NDUFAF1: variants seen among roughly 807,000 people sequenced by gnomAD.
NDUFAF1 encodes the protein NADH:ubiquinone oxidoreductase complex assembly factor 1.
NDUFAF1 carries 18 observed loss-of-function variants against 28.7 expected under a neutral mutation model. The ratio of observed to expected loss-of-function variants is 0.63; its 90% CI spans 0.43 to 0.93. NDUFAF1 has a LOEUF of 0.93. NDUFAF1 is among the 40% of genes least tolerant of loss of function. NDUFAF1 has a pLI of 0.00. For missense variants in NDUFAF1, 404 were observed against 398.3 expected (o/e 1.01, Z -0.12); for synonymous variants, 113 against 139.7 (o/e 0.81, Z 1.35).
intron 3 of NDUFAF1, chr15:41,394,254 G>T (rs1438155429): frequency 1.5e-6 from 1 of 678,616 alleles, no homozygotes; most frequent in African/African-American, 1.9e-5. Context: ...GGCTGGTGTC[G>T]AACTCCCAAC....
intron 3 of NDUFAF1, among the ~76,000 whole-genome samples, chr15:41,392,820 C>G (rs1412517099): frequency 6.6e-6 from 1 of 152,120 alleles, no homozygotes; most frequent in Non-Finnish European, 1.5e-5. Context: ...TACATGCTTA[C>G]AAGCATGTAA....
chr15:41,387,735 A>G (rs1285130607), intron 4 of NDUFAF1, 142 bp from the exon 5 acceptor site: 1 of 671,828 alleles, frequency 1.5e-6, no homozygotes, highest in Non-Finnish European at 2.6e-6. Context: ...TAATTCTCCC[A>G]TAGCATACTG....
In NDUFAF1 at chr15:41,402,347, G is replaced by A. The variant is rs565504701; in HGVS notation, c.-285C>T. ...ACGGCCTGGCCTCCGGAGGCTAGAC[G>A]GTTCGCCGCGCTGGGGAGGCCCCCT... On this transcript the variant is annotated 5_prime_UTR_variant, in exon 1 of 5. Transcript: ENST00000260361. The A allele has an allele frequency of 4.0e-5, 18 of 453,788 alleles. No individual in the cohort carries two copies. Among genetic ancestry groups the A allele is most frequent in the Admixed American group, 1.2e-4 (5 of 42,544 alleles). The allele number at this position is 453,788 out of a possible 1,614,324, so 28.1% of individuals were successfully genotyped here.
At position 41,388,497 on chromosome 15, in the gene NDUFAF1, G is replaced by A. The variant is rs201756363; in HGVS notation, c.785C>T (p.Ser262Phe). Residue 262 changes from serine to phenylalanine, a missense_variant, in exon 4 of 5, where the codon TCT (serine) becomes TTT (phenylalanine). Physicochemically the swap from Ser to Phe is radical, Grantham distance 155. Coordinates refer to ENST00000260361, the MANE Select transcript of NDUFAF1 (RefSeq NM_016013.4). ...VKIPFSKFFF[S>F]NRGRIRDVQH... ...AACATCCCGGATTCTTCCTCGATTA[G>A]AGAAGAAAAATTTGGAAAAAGGAAT... 4 of 1,612,782 alleles carry A rather than the reference G, an allele frequency of 2.5e-6. No homozygotes were observed. Among genetic ancestry groups the A allele is most frequent in the Admixed American group, 3.3e-5 (2 of 59,974 alleles).
intron 4 of NDUFAF1, 39 bp downstream of exon 4, chr15:41,388,409 A>G: frequency 1.4e-6 from 2 of 1,468,896 alleles, no homozygotes; most frequent in Non-Finnish European, 1.9e-6. Flanking sequence ...TTCATTAAAA[A>G]TGATACAGTT....
chr15:41,390,014 C>A (rs996199459), intron 3 of NDUFAF1, among the ~76,000 whole-genome samples: 1 of 151,954 alleles, frequency 6.6e-6, no homozygotes, highest in Non-Finnish European at 1.5e-5. Context: ...GGCTGAAGTG[C>A]ATGCAGTAGG....
intron 1 of NDUFAF1, among the ~76,000 whole-genome samples, chr15:41,400,688 A>ATTTTTTTTTTTTT (rs58010983): frequency 2.4e-4 from 23 of 97,820 alleles, no homozygotes; most frequent in African/African-American, 6.4e-4. Flanking sequence ...ATGCCCAGCT[A>ATTTTTTTTTTTTT]TTTTTTTTTT....
At chr15:41,389,226 G>A (rs1227867132) in intron 3 of NDUFAF1, among the ~76,000 whole-genome samples, 3 of 150,540 alleles carry the variant, frequency 2.0e-5, no homozygotes, top group Admixed American at 1.3e-4. Context: ...GGGACTATAG[G>A]CGCACACCAC....
In NDUFAF1 at chr15:41,396,968, C is replaced by A. The variant is rs3204853; in HGVS notation, c.92G>T (p.Arg31Leu). The A allele has an allele frequency of 0.23, 375,750 of 1,611,294 alleles. 47,545 individuals carry two copies. Among genetic ancestry groups the A allele is most frequent in the Non-Finnish European group, 0.26 (303,514 of 1,178,644 alleles). ...TSALYPFLGI[R>L]FAEYSSSLQK... is the part of the protein sequence containing the mutation. Reference sequence around the variant, plus strand: ...AAGACTACTGGAATACTCTGCAAAGCGAATACCCAAAAATGGATACAAGGC... The same window carrying A: ...AAGACTACTGGAATACTCTGCAAAGAGAATACCCAAAAATGGATACAAGGC... The change falls in exon 2 of 5, where the codon CGC (arginine) becomes CTC (leucine). Residue 31 changes from arginine (R) to leucine (L), a missense_variant. By Grantham distance (102) the Arg-to-Leu change is moderately radical (BLOSUM62 -2). Transcript: ENST00000260361.
intron 2 of NDUFAF1, among the ~76,000 whole-genome samples, chr15:41,395,281 G>A (rs1004580122): frequency 1.3e-5 from 2 of 152,130 alleles, no homozygotes; most frequent in African/African-American, 4.8e-5. Flanking sequence ...ACATGGGGTA[G>A]GCACTCACCT....
intron 1 of NDUFAF1, among the ~76,000 whole-genome samples, chr15:41,399,311 G>A (rs1403815454): frequency 2.0e-5 from 3 of 151,182 alleles, no homozygotes; most frequent in Middle Eastern, 3.5e-3. Flanking sequence ...CATAAGAATC[G>A]CTTGAACCCA....
intron 4 of NDUFAF1, 22 bp downstream of exon 4, chr15:41,388,426 G>A (rs2050276768): frequency 1.3e-6 from 2 of 1,567,970 alleles, no homozygotes; most frequent in Non-Finnish European, 1.8e-6. Flanking sequence ...AGTTCTGAGT[G>A]AAAAATACAG....
At chr15:41,394,001 G>A (rs1457304809) in intron 3 of NDUFAF1, 5 of 282,212 alleles carry the variant, frequency 1.8e-5, no homozygotes, top group Admixed American at 5.0e-5. Flanking sequence ...GAGCCACCAC[G>A]CCTGGCCTAG....
chr15:41,400,672 G>A (rs1217751933), intron 1 of NDUFAF1, among the ~76,000 whole-genome samples: 8 of 145,348 alleles, frequency 5.5e-5, no homozygotes, highest in African/African-American at 1.5e-4. Context: ...ACAGGCGCCC[G>A]CCACCATGCC....
chr15:41,393,220 G>A (rs894068691), intron 3 of NDUFAF1, among the ~76,000 whole-genome samples: 1 of 145,198 alleles, frequency 6.9e-6, no homozygotes, highest in Non-Finnish European at 1.5e-5. Context: ...CACCTCCCAA[G>A]TTCAAGCAAT....
chr15:41,392,057 GACTTT>G (rs2050322731), intron 3 of NDUFAF1, among the ~76,000 whole-genome samples: 1 of 150,534 alleles, frequency 6.6e-6, no homozygotes, highest in Non-Finnish European at 1.5e-5. Context: ...CAGGAGTTTG[GACTTT>G]ATTCTTTTTT....
chr15:41,393,027 G>C (rs2050333479), intron 3 of NDUFAF1, among the ~76,000 whole-genome samples: 2 of 152,064 alleles, frequency 1.3e-5, no homozygotes, highest in Admixed American at 1.3e-4. Flanking sequence ...AGAGGTGACA[G>C]GACTCGCTAA....
chr15:41,395,379 T>C (rs188576411), intron 2 of NDUFAF1, among the ~76,000 whole-genome samples: 1 of 150,158 alleles, frequency 6.7e-6, no homozygotes, highest in African/African-American at 2.5e-5. Context: ...CTTTTCTTTT[T>C]TTTTTTTTGA....
At chr15:41,398,868 T>A (rs543363501) in intron 1 of NDUFAF1, among the ~76,000 whole-genome samples, 8 of 151,760 alleles carry the variant, frequency 5.3e-5, no homozygotes, top group African/African-American at 1.9e-4. Flanking sequence ...GGCAGGAGAA[T>A]CACTTGAACC....
Sources: allele counts gnomAD v4.1 joint callset (sites outside exome capture counted in the v4.1 genomes callset), GRCh38; gene constraint gnomAD v4.1.1; transcripts MANE v1.5; gene names NCBI Gene and HGNC (gene_info 2026-07-23, HGNC 2026-07-21).